MAGI2: variants seen among roughly 807,000 people sequenced by gnomAD.
MAGI2 encodes membrane-associated guanylate kinase, WW and PDZ domain-containing protein 2.
MAGI2 carries 35 observed loss-of-function variants against 133.3 expected under a neutral mutation model. The ratio of observed to expected loss-of-function variants is 0.26; its 90% CI spans 0.20 to 0.35. The LOEUF (loss-of-function observed/expected upper bound fraction) is 0.35. MAGI2 is among the 10% of genes least tolerant of loss of function. MAGI2 has a pLI of 1.00. For synonymous variants in MAGI2, 729 were observed against 710.6 expected (o/e 1.03, Z -0.41); for missense variants, 1,636 against 1,863.4 (o/e 0.88, Z 2.25).
intron 1 of MAGI2, among the ~76,000 whole-genome samples, chr7:79,300,616 C>A (rs1055233818): frequency 6.6e-6 from 1 of 152,100 alleles, no homozygotes; most frequent in Non-Finnish European, 1.5e-5. Context: ...AAATTTGCAG[C>A]CTGGTCATGT....
At position 78,145,237 on chromosome 7, in the gene MAGI2, T is replaced by C. The variant is rs187924478; in HGVS notation, c.2846-10031A>G. On this transcript the variant is annotated intron_variant, in intron 16 of 21. Transcript: ENST00000354212. ...TGTCTTCTAGCATCCAGCATTACTATTGAGAGGCCTGAACCCATTAGGATT... is the reference window on the plus strand; with the variant it reads ...TGTCTTCTAGCATCCAGCATTACTACTGAGAGGCCTGAACCCATTAGGATT... Among the ~76,000 whole-genome samples the C allele has an allele frequency of 3.9e-5, 6 of 152,322 alleles. No homozygotes were observed. The South Asian group carries it at 6.2e-4, about 16-fold the overall frequency.
chr7:78,785,997 A>G (rs1563504020), intron 2 of MAGI2, among the ~76,000 whole-genome samples: 2 of 152,068 alleles, frequency 1.3e-5, no homozygotes, highest in Admixed American at 1.3e-4. Flanking sequence ...AGGCTGGGAG[A>G]GAAACAGAGA....
At chr7:79,267,855 T>C (rs1881299) in intron 1 of MAGI2, among the ~76,000 whole-genome samples, 121,987 of 152,140 alleles carry the variant, frequency 0.8, 48,971 homozygotes, top group Non-Finnish European at 0.83. Context: ...ATAAAGGCAA[T>C]GTTGAGGAGT....
At chr7:78,488,279 CA>C (rs1165692786) in intron 6 of MAGI2, among the ~76,000 whole-genome samples, 1 of 151,970 alleles carries the variant, frequency 6.6e-6, no homozygotes, top group Non-Finnish European at 1.5e-5. Flanking sequence ...GTGGGAAAAA[CA>C]AATAACATTG....
intron 1 of MAGI2, among the ~76,000 whole-genome samples, chr7:79,274,141 G>A (rs988767988): frequency 3.3e-5 from 5 of 152,012 alleles, no homozygotes; most frequent in Non-Finnish European, 1.5e-5. Context: ...TTAAATATAA[G>A]TATGTCCCAT....
intron 9 of MAGI2, among the ~76,000 whole-genome samples, chr7:78,338,083 A>G (rs1372038830): frequency 6.6e-6 from 1 of 152,192 alleles, no homozygotes; most frequent in Non-Finnish European, 1.5e-5. Flanking sequence ...TTACAGGTAT[A>G]TGTGTATTTG....
At chr7:78,112,454 A>G (rs1224464533) in intron 20 of MAGI2, among the ~76,000 whole-genome samples, 4 of 152,190 alleles carry the variant, frequency 2.6e-5, no homozygotes, top group Non-Finnish European at 1.5e-5. Context: ...AGTTAGGCAT[A>G]TCTGAACAGG....
chr7:78,636,372 A>ATTTT (rs1809645144), intron 2 of MAGI2, among the ~76,000 whole-genome samples: 2 of 137,156 alleles, frequency 1.5e-5, no homozygotes, highest in Non-Finnish European at 3.2e-5. Context: ...TTTTTTTTGA[A>ATTTT]GAAGAAACCT....
chr7:78,258,268 C>T (rs1482704630), intron 9 of MAGI2, among the ~76,000 whole-genome samples: 1 of 152,194 alleles, frequency 6.6e-6, no homozygotes, highest in African/African-American at 2.4e-5. Flanking sequence ...CAGACTGTGG[C>T]AGCTGGGGAT....
chr7:79,436,500 C>G (rs1006186035), intron 1 of MAGI2, among the ~76,000 whole-genome samples: 6 of 152,032 alleles, frequency 3.9e-5, no homozygotes, highest in Admixed American at 1.3e-4. Context: ...TTGAACAACT[C>G]AACAAGCAAT....
chr7:78,087,703 G>T (rs1488825463), intron 20 of MAGI2, among the ~76,000 whole-genome samples: 2 of 152,100 alleles, frequency 1.3e-5, no homozygotes, highest in African/African-American at 2.4e-5. Flanking sequence ...GGACATGAAT[G>T]GTATTTTGTA....
chr7:79,408,892 T>C (rs184687161), intron 1 of MAGI2, among the ~76,000 whole-genome samples: 6 of 152,282 alleles, frequency 3.9e-5, no homozygotes, highest in Non-Finnish European at 7.4e-5. Flanking sequence ...TTCAAATCAA[T>C]GCCTTGAACA....
At chr7:78,707,000 A>G (rs1322948764) in intron 2 of MAGI2, among the ~76,000 whole-genome samples, 3 of 152,228 alleles carry the variant, frequency 2.0e-5, no homozygotes, top group East Asian at 3.9e-4. Flanking sequence ...CCTCCTTTGT[A>G]CTGAATTCTC....
intron 3 of MAGI2, among the ~76,000 whole-genome samples, chr7:78,612,695 G>A (rs11772194): frequency 0.053 from 7,995 of 151,646 alleles, 256 homozygotes; most frequent in East Asian, 0.08. Context: ...TTTGAGGCGG[G>A]GTCTCGCTCT....
At chr7:78,556,698 C>T (rs1053230475) in intron 3 of MAGI2, among the ~76,000 whole-genome samples, 11 of 152,122 alleles carry the variant, frequency 7.2e-5, no homozygotes, top group African/African-American at 2.7e-4. Flanking sequence ...TTCCCATTTC[C>T]ATGCCCTTCT....
Position 79,129,616 on chromosome 7 carries a change from A to G in MAGI2, c.302-122410T>C, listed in dbSNP as rs537383044. 5.9e-5 allele frequency among the ~76,000 whole-genome samples: 9 copies of G among 152,324 alleles called. No individual in the cohort carries two copies. In the South Asian group the frequency reaches 1.9e-3, roughly 32 times the overall value. The stretch of plus-strand genomic sequence containing the variant: ...GTTTGCTTAGTGGTGACAGAAGGCA[A>G]TTATAATGATAGCCATTTCAATAGG... On this transcript the variant is annotated intron_variant, in intron 1 of 21. Transcript: ENST00000354212.
At chr7:78,361,839 G>C (rs1792847489) in intron 7 of MAGI2, among the ~76,000 whole-genome samples, 1 of 152,138 alleles carries the variant, frequency 6.6e-6, no homozygotes, top group South Asian at 2.1e-4. Context: ...AGCAAATGTC[G>C]ATTCTGCTAG....
chr7:79,120,208 C>T (rs932254671), intron 1 of MAGI2, among the ~76,000 whole-genome samples: 1 of 151,930 alleles, frequency 6.6e-6, no homozygotes, highest in South Asian at 2.1e-4. Context: ...TTATTATGAT[C>T]TTTTGGTATA....
chr7:79,219,236 C>T (rs1361559690), intron 1 of MAGI2, among the ~76,000 whole-genome samples: 1 of 151,934 alleles, frequency 6.6e-6, no homozygotes, highest in South Asian at 2.1e-4. Flanking sequence ...ACGTTGTTTA[C>T]TCACAGATTA....
Sources: gnomAD v4.1 joint callset for allele counts (sites outside exome capture counted in the v4.1 genomes callset) on GRCh38, gnomAD v4.1.1 for gene constraint, MANE v1.5 for transcripts, NCBI Gene and HGNC (gene_info 2026-07-23, HGNC 2026-07-21) for gene names.